Variants in PCDH1 observed in about 807,000 individuals in gnomAD.
The protein encoded by PCDH1 is protocadherin-1.
Under a neutral mutation model 74.6 loss-of-function variants are expected in PCDH1, and 23 were observed. The observed-to-expected ratio is 0.31, with a 90% CI of 0.22 to 0.44. The LOEUF (loss-of-function observed/expected upper bound fraction) is 0.44. Among genes scored for constraint, PCDH1 ranks in the 20% least tolerant of loss-of-function variants. The pLI is 1.00. For missense variants in PCDH1, 1,214 were observed against 1,641.4 expected (o/e 0.74, Z 4.50); for synonymous variants, 647 against 686.1 (o/e 0.94, Z 0.89).
At chr5:141,861,499 G>A (rs534270433) in intron 3 of PCDH1, among the ~76,000 whole-genome samples, 64 of 152,284 alleles carry the variant, frequency 4.2e-4, no homozygotes, top group African/African-American at 1.5e-3. Context: ...GGAGAAAGAC[G>A]GAAGGAATGC....
chr5:141,873,328 C>A (rs1396456114), intron 1 of PCDH1, among the ~76,000 whole-genome samples: 2 of 140,100 alleles, frequency 1.4e-5, no homozygotes, highest in African/African-American at 5.4e-5. Flanking sequence ...TTAGTAGAGA[C>A]GGGGTTTCAC....
At chr5:141,873,096 CA>C (rs1753133317) in intron 1 of PCDH1, among the ~76,000 whole-genome samples, 1 of 151,850 alleles carries the variant, frequency 6.6e-6, no homozygotes, top group Non-Finnish European at 1.5e-5. Flanking sequence ...GAGATAATTC[CA>C]GGGAGTTAAG....
intron 1 of PCDH1, among the ~76,000 whole-genome samples, chr5:141,874,417 A>T (rs1753168887): frequency 6.6e-6 from 1 of 152,208 alleles, no homozygotes; most frequent in Admixed American, 6.5e-5. Flanking sequence ...TTCCTGGGCA[A>T]CGGTGCCCTA....
At chr5:141,870,407 A>G (rs1753062994) in intron 1 of PCDH1, among the ~76,000 whole-genome samples, 1 of 152,210 alleles carries the variant, frequency 6.6e-6, no homozygotes, top group African/African-American at 2.4e-5. Flanking sequence ...AACTGTGGTC[A>G]GGGCTGACTA....
At position 141,862,032 on chromosome 5, in the gene PCDH1, C is replaced by T. The variant is rs1291715116; in HGVS notation, c.3099+1200G>A. Reference sequence around the variant, plus strand: ...GGTCAATGCAAAGAACTTAGGAATTCGCCATGTCTCCCCCAGGGCCCCGCT... The same window carrying T: ...GGTCAATGCAAAGAACTTAGGAATTTGCCATGTCTCCCCCAGGGCCCCGCT... On this transcript the variant is annotated intron_variant, in intron 3 of 4. Coordinates refer to ENST00000287008, the MANE Select transcript of PCDH1 (RefSeq NM_032420.5). Among the ~76,000 whole-genome samples the T allele has an allele frequency of 2.0e-5, 3 of 152,084 alleles. 1 individual carries two copies. Among genetic ancestry groups the T allele is most frequent in the South Asian group, 4.1e-4 (2 of 4,828 alleles).
Position 141,854,326 on chromosome 5 carries a change from G to A in PCDH1, c.3430C>T (p.Arg1144Trp), listed in dbSNP as rs1341082683. The A allele has an allele frequency of 5.0e-6, 8 of 1,613,896 alleles. No individual in the cohort carries two copies. Among genetic ancestry groups the A allele is most frequent in the East Asian group, 2.2e-5 (1 of 44,870 alleles). The change falls in exon 5 of 5, where the codon CGG (arginine) becomes TGG (tryptophan). Residue 1144 changes from arginine (R) to tryptophan (W), a missense_variant. Coordinates refer to ENST00000287008, the MANE Select transcript of PCDH1 (RefSeq NM_032420.5). ...WMPGQSSPSR[R>W]TKSSALKLST... ...AGTTTGAGGGCGCTGCTCTTGGTCC[G>A]GCGGCTGGGAGATGACTGGCCAGGC...
In PCDH1 at chr5:141,853,918, T is replaced by C. The variant is rs1752214696; in HGVS notation, c.*124A>G. On this transcript the variant is annotated 3_prime_UTR_variant, in exon 5 of 5. Coordinates refer to ENST00000287008, the MANE Select transcript of PCDH1 (RefSeq NM_032420.5). ...GCCAGCGTGGTCATGAGGTCAGTGA[T>C]ACCCCCACTTGGGGCCCTGGCCAGG... 9.7e-6 allele frequency: 8 copies of C among 825,154 alleles called. No homozygotes were observed. The highest frequency in any genetic ancestry group is 7.5e-4 in the Middle Eastern group (2 of 2,668). 51.1% of individuals were successfully genotyped at this position (825,154 alleles called of 1,614,324 possible). A position where few individuals can be genotyped will look rare whatever the true frequency, so the allele number is the denominator to read the frequency against.
intron 1 of PCDH1, among the ~76,000 whole-genome samples, chr5:141,877,958 C>T (rs896545323): frequency 6.6e-6 from 1 of 152,214 alleles, no homozygotes; most frequent in Non-Finnish European, 1.5e-5. Flanking sequence ...TCCGAGCGCG[C>T]CCAGGTTTGG....
chr5:141,856,517 C>T (rs954947044), intron 4 of PCDH1, among the ~76,000 whole-genome samples: 1 of 152,038 alleles, frequency 6.6e-6, no homozygotes, highest in African/African-American at 2.4e-5. Flanking sequence ...GGGGTTAGCT[C>T]GTTCACTCTC....
intron 1 of PCDH1, among the ~76,000 whole-genome samples, chr5:141,874,978 T>C (rs773070378): frequency 8.5e-5 from 13 of 152,162 alleles, no homozygotes; most frequent in Non-Finnish European, 1.8e-4. Flanking sequence ...TCTGGGCACC[T>C]GCATGTCAGA....
chr5:141,857,505 C>G, intron 3 of PCDH1, 34 bp from the exon 4 acceptor site: 1 of 1,588,260 alleles, frequency 6.3e-7, no homozygotes, highest in Non-Finnish European at 8.6e-7. Flanking sequence ...ACTGACCAGC[C>G]AGCTTGCCCA....
chr5:141,854,977 CT>C (rs1032914487), intron 4 of PCDH1, among the ~76,000 whole-genome samples: 1,933 of 132,196 alleles, frequency 0.015, 40 homozygotes, highest in African/African-American at 0.051. Flanking sequence ...CAGCCTTATC[CT>C]TTTTTTTTTC....
chr5:141,866,224 C>T, intron 2 of PCDH1: 1 of 985,504 alleles, frequency 1.0e-6, no homozygotes, highest in South Asian at 4.7e-5. Context: ...CCGACTGGCA[C>T]CGGCTGGCGA....
chr5:141,873,188 C>T (rs577925603), intron 1 of PCDH1, among the ~76,000 whole-genome samples: 2 of 151,538 alleles, frequency 1.3e-5, no homozygotes, highest in Admixed American at 6.6e-5. Flanking sequence ...TGCAGTGGTG[C>T]GATCTGGCCT....
In PCDH1 at chr5:141,869,279, G is replaced by A. The variant is rs768214938; in HGVS notation, c.193C>T (p.Pro65Ser). 5.0e-6 allele frequency: 8 copies of A among 1,608,828 alleles called. No individual in the cohort carries two copies. The highest frequency in any genetic ancestry group is 6.8e-6 in the Non-Finnish European group (8 of 1,177,764). ...AGGGTGTTGGGTGGCTGTTCCTCCG[G>A]CACCTTGTACACTACCCGAGTGGCG... is the stretch of plus-strand genomic sequence containing the variant. ...GHATRVVYKVPEEQPPNTLIG... is the reference protein window; with the variant it reads ...GHATRVVYKVSEEQPPNTLIG... Residue 65 changes from proline to serine, a missense_variant, in exon 2 of 5, where the codon CCG becomes TCG. Transcript: ENST00000287008. The surrounding 1 kb of genome is among the most constrained non-coding windows in gnomAD (Gnocchi z 4.9).
intron 1 of PCDH1, among the ~76,000 whole-genome samples, chr5:141,873,385 G>A (rs553930048): frequency 1.6e-4 from 23 of 147,408 alleles, no homozygotes; most frequent in African/African-American, 5.3e-4. Flanking sequence ...TGATCTGCCC[G>A]CCTCGGCCTC....
Position 141,863,931 on chromosome 5 carries a change from G to C in PCDH1, c.2400C>G (p.Pro800=). 6.2e-7 allele frequency: 1 copy of C among 1,614,192 alleles called. No homozygotes were observed. Among genetic ancestry groups the C allele is most frequent in the East Asian group, 2.2e-5 (1 of 44,882 alleles). Residue 800 remains proline, a synonymous_variant, in exon 3 of 5, where the codon CCC becomes CCG. Coordinates refer to ENST00000287008, the MANE Select transcript of PCDH1 (RefSeq NM_032420.5). This position sits in a 1 kb window ranked among gnomAD's most constrained non-coding sequence, Gnocchi z 7.5. ...LVVKVSDRGK[P]PRYGTALVHL... The stretch of plus-strand genomic sequence containing the variant: ...GGACCAAGGCTGTGCCATAGCGTGG[G>C]GGCTTGCCGCGGTCACTGACCTTCA...
rs1165019631 is a variant in PCDH1, at chr5:141,854,387, C to T, written c.3369G>A (p.Glu1123=). The change falls in exon 5 of 5, where the codon GAG becomes GAA. Residue 1123 remains glutamate (E), a synonymous_variant. Transcript: ENST00000287008. ...TGTCAGAGTGGCCAAACTCACTGCA[C>T]TCCCGGGTACATGTGCCTGTCATGG... ...DVAMTGTCTR[E]CSEFGHSDTC... is the part of the protein sequence containing the mutation. 2 of 1,613,122 alleles carry T rather than the reference C, an allele frequency of 1.2e-6. No homozygotes were observed. The highest frequency in any genetic ancestry group is 2.7e-5 in the African/African-American group (2 of 74,910).
intron 4 of PCDH1, among the ~76,000 whole-genome samples, chr5:141,856,624 C>T (rs143865921): frequency 2.6e-3 from 397 of 152,250 alleles, no homozygotes; most frequent in African/African-American, 9.0e-3. Context: ...CCGACCTCTG[C>T]GCTGGCTCAC....
Sources: gnomAD v4.1 joint callset for allele counts (sites outside exome capture counted in the v4.1 genomes callset) on GRCh38, gnomAD v4.1.1 for gene constraint, Gnocchi (gnomAD v3.1) non-coding constraint, MANE v1.5 for transcripts, NCBI Gene and HGNC (gene_info 2026-07-23, HGNC 2026-07-21) for gene names.